P2RY8: variants seen among roughly 807,000 people sequenced by gnomAD.
P2RY8 encodes S-geranylgeranyl-glutathione receptor P2RY8.
P2RY8 carries 6 observed loss-of-function variants against 10.0 expected under a neutral mutation model. That is an observed-to-expected ratio of 0.60 (90% CI 0.33 to 1.19). P2RY8 has a LOEUF of 1.19. P2RY8 is among the 50% of genes most tolerant of loss of function. The probability of loss-of-function intolerance (pLI) is 0.04; values close to 1 mark genes in which losing one functional copy is unlikely to be tolerated. For synonymous variants in P2RY8, 276 were observed against 252.5 expected, an observed-to-expected ratio of 1.09 and a Z score of -0.88; for missense variants, 456 against 542.0, an observed-to-expected ratio of 0.84 and a Z score of 1.58.
chrX:1,532,674 G>C (rs1183696539), intron 1 of P2RY8, among the ~76,000 whole-genome samples: 1 of 151,978 alleles, frequency 6.6e-6, no homozygotes, highest in Non-Finnish European at 1.5e-5. Context: ...TCACTCATAA[G>C]TGAGAGCTAA....
Position 1,463,790 on chromosome X carries a change from T to C in P2RY8, c.*1689A>G. On this transcript the variant is annotated 3_prime_UTR_variant, in exon 2 of 2. Transcript: ENST00000381297. ...TGGGCTTGGGGCAGCATCACTTCAG[T>C]CTCTGCCTCTGTCTTTATGTGGCCT... 1 of 232,632 alleles carries C rather than the reference T, an allele frequency of 4.3e-6. No individual in the cohort carries two copies. Among genetic ancestry groups the C allele is most frequent in the East Asian group, 6.1e-5 (1 of 16,504 alleles). The allele number at this position is 232,632 out of a possible 1,614,324, so 14.4% of individuals were successfully genotyped here. A position where few individuals can be genotyped will look rare whatever the true frequency, so the allele number is the denominator to read the frequency against.
intron 1 of P2RY8, among the ~76,000 whole-genome samples, chrX:1,513,828 C>G (rs1163246703): frequency 6.6e-6 from 1 of 151,982 alleles, no homozygotes. Context: ...CCCCATCACT[C>G]CAGTCTCTGC....
intron 1 of P2RY8, among the ~76,000 whole-genome samples, chrX:1,535,708 C>CACAG (rs1556688236): frequency 3.3e-4 from 48 of 146,258 alleles, no homozygotes; most frequent in African/African-American, 1.2e-3. Flanking sequence ...CACACACACA[C>CACAG]ACACACAGAC....
At chrX:1,529,488 T>A (rs1487546548) in intron 1 of P2RY8, among the ~76,000 whole-genome samples, 2 of 151,972 alleles carry the variant, frequency 1.3e-5, no homozygotes, top group Middle Eastern at 6.4e-3. Context: ...CAGTTTGGGG[T>A]GTCACAACTG....
rs141994099 is a variant in P2RY8, at chrX:1,520,783, A to T, written c.-25+16138T>A. ...CTCCCAATAATCTCCCTGATCCCCA[A>T]TAATCTCCCTCATCCTCAATATTTT... On this transcript the variant is annotated intron_variant, in intron 1 of 1. Coordinates refer to ENST00000381297, the MANE Select transcript of P2RY8 (RefSeq NM_178129.5). 2.0e-5 allele frequency among the ~76,000 whole-genome samples: 3 copies of T among 151,876 alleles called. No individual in the cohort carries two copies. The East Asian group carries it at 5.8e-4, about 30-fold the overall frequency.
rs747132593 is a variant in P2RY8 at position 1,471,223 on chromosome X, G to C, written c.-24-4641C>G. 6.0e-5 allele frequency among the ~76,000 whole-genome samples: 9 copies of C among 151,190 alleles called. No individual in the cohort carries two copies. The South Asian group carries it at 1.9e-3, about 31-fold the overall frequency. The stretch of plus-strand genomic sequence containing the variant: ...GGGTTTCACCATGTTGGCCAGGCTG[G>C]TTGTGAACTGCTGACCTCAGGTGAT... On this transcript the variant is annotated intron_variant, in intron 1 of 1. Coordinates refer to ENST00000381297, the MANE Select transcript of P2RY8 (RefSeq NM_178129.5).
In P2RY8 at chrX:1,466,330, G is replaced by A. The variant is rs2091675604; in HGVS notation, c.229C>T (p.Pro77Ser). 1 of 1,613,826 alleles carries A rather than the reference G, an allele frequency of 6.2e-7. No individual in the cohort carries two copies. Among genetic ancestry groups the A allele is most frequent in the Non-Finnish European group, 8.5e-7 (1 of 1,179,852 alleles). The change falls in exon 2 of 2, where the codon CCT (proline) becomes TCT (serine). Residue 77 changes from proline (P) to serine (S), a missense_variant. Pro to Ser is a moderately conservative substitution (Grantham distance 74, BLOSUM62 -1). Transcript: ENST00000381297. ...VTDLMLASVL[P>S]FQIYYHCNRH... Reference sequence around the variant, plus strand: ...TTGCAATGGTAGTAGATTTGGAAAGGCAACACGCTGGCCAGCATCAGGTCC... The same window carrying A: ...TTGCAATGGTAGTAGATTTGGAAAGACAACACGCTGGCCAGCATCAGGTCC...
At chrX:1,478,930 C>A (rs1295755762) in intron 1 of P2RY8, among the ~76,000 whole-genome samples, 1 of 152,132 alleles carries the variant, frequency 6.6e-6, no homozygotes, top group Non-Finnish European at 1.5e-5. Context: ...CACTGAACTG[C>A]AACTTATCCT....
chrX:1,496,639 T>G (rs187911901), intron 1 of P2RY8, among the ~76,000 whole-genome samples: 1 of 152,030 alleles, frequency 6.6e-6, no homozygotes, highest in African/African-American at 2.4e-5. Context: ...AGCAGTCATT[T>G]GTAGGTAACT....
intron 1 of P2RY8, among the ~76,000 whole-genome samples, chrX:1,492,499 G>A (rs1816672577): frequency 6.6e-6 from 1 of 152,078 alleles, no homozygotes; most frequent in Admixed American, 6.6e-5. Context: ...TCCACACCCT[G>A]CAGCTGAGGG....
chrX:1,470,385 C>T (rs1396202607), intron 1 of P2RY8, among the ~76,000 whole-genome samples: 2 of 152,070 alleles, frequency 1.3e-5, no homozygotes, highest in Non-Finnish European at 2.9e-5. Flanking sequence ...TGTTGTGGCA[C>T]ATGCCTGTAA....
At chrX:1,473,720 CTGGGTGGATGGG>C (rs2091831933) in intron 1 of P2RY8, among the ~76,000 whole-genome samples, 1 of 23,362 alleles carries the variant, frequency 4.3e-5, no homozygotes, top group Admixed American at 4.4e-4. Flanking sequence ...AGATGGATGA[CTGGGTGGATGGG>C]TGGGTGGATG....
chrX:1,473,605 T>C (rs1311142548), intron 1 of P2RY8, among the ~76,000 whole-genome samples: 1 of 150,274 alleles, frequency 6.7e-6, no homozygotes, highest in Admixed American at 6.6e-5. Context: ...GGTGGATTGA[T>C]GGATCAGTGT....
intron 1 of P2RY8, among the ~76,000 whole-genome samples, chrX:1,500,428 C>G (rs776997910): frequency 1.3e-5 from 2 of 151,810 alleles, no homozygotes; most frequent in South Asian, 4.2e-4. Flanking sequence ...CAGGCGTGCA[C>G]CACCATGCCC....
rs56676810 is a variant in P2RY8, at chrX:1,464,129, C to A, written c.*1350G>T. 9,177 of 233,356 alleles carry A rather than the reference C, an allele frequency of 0.039. 587 individuals carry two copies. Among genetic ancestry groups the A allele is most frequent in the African/African-American group, 0.16 (7,305 of 45,462 alleles). 14.5% of individuals were successfully genotyped at this position (233,356 alleles called of 1,614,324 possible). On this transcript the variant is annotated 3_prime_UTR_variant, in exon 2 of 2. Transcript: ENST00000381297. Reference sequence around the variant, plus strand: ...GGGGCCGGGCATCCAAGGCCACCCACTGCGGAGACGCAGAGCCCGTGGGCA... The same window carrying A: ...GGGGCCGGGCATCCAAGGCCACCCAATGCGGAGACGCAGAGCCCGTGGGCA...
chrX:1,478,375 G>A (rs4244925), intron 1 of P2RY8, among the ~76,000 whole-genome samples: 79,711 of 151,640 alleles, frequency 0.53, 21,140 homozygotes, highest in South Asian at 0.65. Context: ...AGAGATTGCA[G>A]AGAGGTTGTA....
Position 1,534,067 on chromosome X carries a change from T to TTATTTATATATAATATATTTACATATA in P2RY8, c.-25+2827_-25+2853dup, listed in dbSNP as rs1217948317. 4.4e-3 allele frequency among the ~76,000 whole-genome samples: 568 copies of TTATTTATATATAATATATTTACATATA among 127,800 alleles called. 8 individuals carry two copies. The highest frequency in any genetic ancestry group is 0.012 in the African/African-American group (367 of 31,566). The allele number at this position is 127,800 out of a possible 152,430, so 83.8% of individuals were successfully genotyped here. On this transcript the variant is annotated intron_variant, in intron 1 of 1. Coordinates refer to ENST00000381297, the MANE Select transcript of P2RY8 (RefSeq NM_178129.5). ...TATTATTTACATATATATTTGTATA[T>TTATTTATATATAATATATTTACATATA]TATTTATATATAATATATTTACATA...
At chrX:1,519,983 C>T (rs1485881144) in intron 1 of P2RY8, among the ~76,000 whole-genome samples, 6 of 151,728 alleles carry the variant, frequency 4.0e-5, no homozygotes, top group African/African-American at 1.5e-4. Flanking sequence ...TTTCTCTGAT[C>T]TCCAATTATC....
rs112983650 is a variant in P2RY8 at position 1,516,216 on chromosome X, C to CA, written c.-25+20704dup. Among the ~76,000 whole-genome samples the CA allele has an allele frequency of 5.7e-3, 821 of 144,486 alleles. 16 individuals are homozygous for CA. The highest frequency in any genetic ancestry group is 0.033 in the East Asian group (161 of 4,916). The allele number at this position is 144,486 out of a possible 152,430, so 94.8% of individuals were successfully genotyped here. A position where few individuals can be genotyped will look rare whatever the true frequency, so the allele number is the denominator to read the frequency against. Reference sequence around the variant, plus strand: ...CCACCTCAGAAAAACAAAACAACAACAAAAAAAAAACAGGAAGAGACCGCA... The same window carrying CA: ...CCACCTCAGAAAAACAAAACAACAACAAAAAAAAAAACAGGAAGAGACCGCA... On this transcript the variant is annotated intron_variant, in intron 1 of 1. Transcript: ENST00000381297.
Sources: gnomAD v4.1 joint callset for allele counts (sites outside exome capture counted in the v4.1 genomes callset) on GRCh38, gnomAD v4.1.1 for gene constraint, MANE v1.5 for transcripts, NCBI Gene and HGNC (gene_info 2026-07-23, HGNC 2026-07-21) for gene names.